PARD3: variants seen among roughly 807,000 people sequenced by gnomAD.
PARD3 encodes par-3 family cell polarity regulator.
In PARD3, 75 loss-of-function variants were observed where a neutral mutation model predicts 155.4. That is an observed-to-expected ratio of 0.48 (90% CI 0.40 to 0.58). The LOEUF is 0.58. PARD3 is among the 20% of genes least tolerant of loss of function. The pLI is 0.00. For missense variants in PARD3, 1,642 were observed against 1,721.7 expected (o/e 0.95, Z 0.82); for synonymous variants, 576 against 610.5 (o/e 0.94, Z 0.83).
At chr10:34,635,398 G>A (rs1240475348) in intron 2 of PARD3, among the ~76,000 whole-genome samples, 2 of 152,236 alleles carry the variant, frequency 1.3e-5, no homozygotes, top group Non-Finnish European at 2.9e-5. Context: ...GTGCATTTGG[G>A]GCTCAGCTCC....
chr10:34,534,787 G>A (rs919802856), intron 2 of PARD3, among the ~76,000 whole-genome samples: 95 of 152,264 alleles, frequency 6.2e-4, no homozygotes, highest in African/African-American at 2.2e-3. Context: ...GAGGTTGGGG[G>A]ATCACTTGAG....
intron 22 of PARD3, among the ~76,000 whole-genome samples, chr10:34,183,724 C>T (rs1320290306): frequency 6.6e-6 from 1 of 152,216 alleles, no homozygotes; most frequent in Non-Finnish European, 1.5e-5. Context: ...TATAAGCAAC[C>T]ACTTTTCTGC....
chr10:34,219,980 G>T (rs1366691870), intron 22 of PARD3, among the ~76,000 whole-genome samples: 2 of 152,178 alleles, frequency 1.3e-5, no homozygotes, highest in African/African-American at 4.8e-5. Flanking sequence ...ATCAGTCCCT[G>T]TAAGCCTACT....
At chr10:34,765,426 C>G (rs1837967322) in intron 1 of PARD3, among the ~76,000 whole-genome samples, 1 of 151,954 alleles carries the variant, frequency 6.6e-6, no homozygotes, top group Non-Finnish European at 1.5e-5. Flanking sequence ...ACCTGTAATC[C>G]CAGCACTTTG....
chr10:34,717,201 T>C (rs1264363163), intron 1 of PARD3, among the ~76,000 whole-genome samples: 1 of 152,126 alleles, frequency 6.6e-6, no homozygotes, highest in Admixed American at 6.5e-5. Context: ...TGTGGTTAAG[T>C]GGCCTGAAAC....
At position 34,727,830 on chromosome 10, in the gene PARD3, A is replaced by ACACACG. The variant is rs1554821217; in HGVS notation, c.121-31412_121-31411insCGTGTG. Among the ~76,000 whole-genome samples, 254 of 148,412 alleles carry ACACACG rather than the reference A, an allele frequency of 1.7e-3. 3 individuals carry two copies. The highest frequency in any genetic ancestry group is 1.1e-3 in the Non-Finnish European group (72 of 67,260). Reference sequence around the variant, plus strand: ...CTCCCTCCACCACACACACACACACACACGCACGCACGCAGGTGAAACACA... The same window carrying ACACACG: ...CTCCCTCCACCACACACACACACACACACACGCACGCACGCACGCAGGTGAAACACA... On this transcript the variant is annotated intron_variant, in intron 1 of 24. Transcript: ENST00000374788.
At chr10:34,791,500 T>C (rs1209541096) in intron 1 of PARD3, among the ~76,000 whole-genome samples, 2 of 151,918 alleles carry the variant, frequency 1.3e-5, no homozygotes, top group Non-Finnish European at 1.5e-5. Context: ...CTCCAAAGGA[T>C]GGCTTCAGCC....
At chr10:34,592,800 A>T (rs1402038181) in intron 2 of PARD3, among the ~76,000 whole-genome samples, 1 of 152,138 alleles carries the variant, frequency 6.6e-6, no homozygotes, top group Non-Finnish European at 1.5e-5. Context: ...ATAATCATGC[A>T]TATTTCACAG....
rs1191334978 is a variant in PARD3 at position 34,374,943 on chromosome 10, G to T, written c.1599C>A (p.Ser533Arg). 1 of 1,613,628 alleles carries T rather than the reference G, an allele frequency of 6.2e-7. No homozygotes were observed. Residue 533 changes from serine to arginine, a missense_variant, in exon 11 of 25, where the codon AGC (serine) becomes AGA (arginine). This residue lies in a region of PARD3 where 1,529 missense variants were observed against 1,587.3 expected (regional missense o/e 0.96). Transcript: ENST00000374788. ...SQEEVVSLLRSTKMEGTVSLL... is the reference protein window; with the variant it reads ...SQEEVVSLLRRTKMEGTVSLL... Reference sequence around the variant, plus strand: ...GGCTCACAGTTCCTTCCATCTTGGTGCTTCTCAACAGCGAAACAACTTCCT... The same window carrying T: ...GGCTCACAGTTCCTTCCATCTTGGTTCTTCTCAACAGCGAAACAACTTCCT...
intron 2 of PARD3, among the ~76,000 whole-genome samples, chr10:34,668,638 A>G (rs10827389): frequency 0.29 from 44,643 of 152,106 alleles, 7,516 homozygotes; most frequent in Non-Finnish European, 0.38. Context: ...CTTCAAAGAT[A>G]TATCTTATGG....
At chr10:34,113,807 T>C (rs544492477) in intron 24 of PARD3, among the ~76,000 whole-genome samples, 1 of 152,136 alleles carries the variant, frequency 6.6e-6, no homozygotes, top group Non-Finnish European at 1.5e-5. Flanking sequence ...ACCTTACCTA[T>C]GAAACAGGCA....
intron 22 of PARD3, among the ~76,000 whole-genome samples, chr10:34,145,209 ATATATATATATAT>A (rs1399260437): frequency 1.6e-5 from 1 of 63,744 alleles, no homozygotes; most frequent in Admixed American, 1.5e-4. Flanking sequence ...ATATATATAT[ATATATATATATAT>A]TTTTTTTTTT....
chr10:34,662,604 G>A (rs2093351176), intron 2 of PARD3, among the ~76,000 whole-genome samples: 3 of 152,214 alleles, frequency 2.0e-5, no homozygotes, highest in Admixed American at 6.5e-5. Context: ...CAGGTGCGAT[G>A]GCTCGCACCT....
At chr10:34,336,999 A>C (rs1836263501) in intron 17 of PARD3, among the ~76,000 whole-genome samples, 1 of 152,156 alleles carries the variant, frequency 6.6e-6, no homozygotes, top group Non-Finnish European at 1.5e-5. Context: ...TTTGTAAAAT[A>C]AAGATACATG....
intron 20 of PARD3, among the ~76,000 whole-genome samples, chr10:34,305,913 A>G (rs1471430915): frequency 2.0e-5 from 3 of 152,184 alleles, no homozygotes; most frequent in African/African-American, 7.2e-5. Context: ...CCAGGAGTTC[A>G]AGGTTGCAAG....
At chr10:34,664,271 C>T (rs2093397978) in intron 2 of PARD3, among the ~76,000 whole-genome samples, 3 of 152,134 alleles carry the variant, frequency 2.0e-5, no homozygotes, top group Non-Finnish European at 1.5e-5. Flanking sequence ...AGCGTGATCT[C>T]GGCTCACTGC....
chr10:34,764,934 T>C (rs959147166), intron 1 of PARD3, among the ~76,000 whole-genome samples: 5 of 152,204 alleles, frequency 3.3e-5, no homozygotes, highest in Non-Finnish European at 7.3e-5. Context: ...CCATAATCTA[T>C]GTACTTCACC....
intron 20 of PARD3, among the ~76,000 whole-genome samples, chr10:34,292,770 A>C (rs1956736660): frequency 1.3e-5 from 2 of 152,074 alleles, no homozygotes; most frequent in African/African-American, 4.8e-5. Context: ...AAGCTAGAAC[A>C]ATCTTTAAAT....
intron 22 of PARD3, among the ~76,000 whole-genome samples, chr10:34,205,111 A>T (rs565387457): frequency 6.6e-6 from 1 of 152,328 alleles, no homozygotes; most frequent in African/African-American, 2.4e-5. Context: ...TTTCACCAAC[A>T]TCAGCCTCAG....
Sources: gnomAD v4.1 joint callset for allele counts (sites outside exome capture counted in the v4.1 genomes callset) on GRCh38, gnomAD v4.1.1 for gene constraint, gnomAD v4.1.1 regional missense constraint, MANE v1.5 for transcripts, NCBI Gene and HGNC (gene_info 2026-07-23, HGNC 2026-07-21) for gene names.